Variants in ZFHX4 observed in about 807,000 individuals in gnomAD.
ZFHX4 encodes zinc finger homeobox protein 4.
In ZFHX4, 56 loss-of-function variants were observed where a neutral mutation model predicts 267.6. The ratio of observed to expected loss-of-function variants is 0.21; its 90% CI spans 0.17 to 0.26. The LOEUF (loss-of-function observed/expected upper bound fraction) is 0.26, where lower values mean the gene tolerates loss of function less well. Among genes scored for constraint, ZFHX4 ranks in the 10% least tolerant of loss-of-function variants. The probability of loss-of-function intolerance (pLI) is 1.00; values close to 1 mark genes in which losing one functional copy is unlikely to be tolerated. For missense variants in ZFHX4, 4,332 were observed against 4,420.0 expected, an observed-to-expected ratio of 0.98 and a Z score of 0.56; for synonymous variants, 1,778 against 1,665.6, an observed-to-expected ratio of 1.07 and a Z score of -1.64.
At position 76,709,802 on chromosome 8, in the gene ZFHX4, CGTGTGT is replaced by C. The variant is rs34448728; in HGVS notation, c.3093+1779_3093+1784del. Among the ~76,000 whole-genome samples, 262 of 140,172 alleles carry C rather than the reference CGTGTGT, an allele frequency of 1.9e-3. 1 individual carries two copies. The highest frequency in any genetic ancestry group is 3.6e-3 in the South Asian group (16 of 4,436). The allele number at this position is 140,172 out of a possible 152,430, so 92.0% of individuals were successfully genotyped here. A position where few individuals can be genotyped will look rare whatever the true frequency, so the allele number is the denominator to read the frequency against. ...GTGTGCGTGTGTGTGCGTGTGTGTG[CGTGTGT>C]GTGTGTGTGTGTGTGTGTGTGTGTA... On this transcript the variant is annotated intron_variant, in intron 3 of 10. Coordinates refer to ENST00000651372, the MANE Select transcript of ZFHX4 (RefSeq NM_024721.5).
In ZFHX4 at chr8:76,852,113, A is replaced by T; in HGVS notation, c.5192A>T (p.Gln1731Leu). ...CCTATGACCCCAGAAGCACTGCTGC[A>T]GTTTCAGCAGCCTCAGTTTCTCTTT... Reference protein sequence around the residue: ...HFPMTPEALLQFQQPQFLFPF... With the variant: ...HFPMTPEALLLFQQPQFLFPF... Residue 1731 changes from glutamine to leucine, a missense_variant, in exon 10 of 11, where the codon CAG becomes CTG. This residue lies in a region of ZFHX4 where 1,371 missense variants were observed against 1,423.1 expected (regional missense o/e 0.96). Coordinates refer to ENST00000651372, the MANE Select transcript of ZFHX4 (RefSeq NM_024721.5). 6.2e-7 allele frequency: 1 copy of T among 1,613,966 alleles called. No individual in the cohort carries two copies. The highest frequency in any genetic ancestry group is 8.5e-7 in the Non-Finnish European group (1 of 1,179,872).
chr8:76,751,723 A>G (rs1809618348), intron 3 of ZFHX4, among the ~76,000 whole-genome samples: 1 of 152,138 alleles, frequency 6.6e-6, no homozygotes, highest in South Asian at 2.1e-4. Context: ...TTGTAATATG[A>G]TCTCACTCTC....
At chr8:76,862,604 G>A (rs2131978952) in intron 10 of ZFHX4, among the ~76,000 whole-genome samples, 1 of 152,284 alleles carries the variant, frequency 6.6e-6, no homozygotes, top group East Asian at 1.9e-4. Context: ...TGGAACATAG[G>A]CAGATGGATT....
intron 3 of ZFHX4, among the ~76,000 whole-genome samples, chr8:76,713,007 G>T (rs1808466692): frequency 1.3e-5 from 2 of 152,126 alleles, no homozygotes; most frequent in South Asian, 4.1e-4. Flanking sequence ...AGAGGAGTTG[G>T]TTTGCTAATA....
chr8:76,704,490 G>A lies in ZFHX4; in HGVS notation c.402G>A (p.Gln134=), dbSNP rs779942238. The change falls in exon 2 of 11, where the codon CAG becomes CAA. Residue 134 remains glutamine (Q), a synonymous_variant. Coordinates refer to ENST00000651372, the MANE Select transcript of ZFHX4 (RefSeq NM_024721.5). ...ATCTAACAGGGGAGATCGTTTACCA[G>A]CCTGATGGGTCAGCATATATAATTG... ...VENLTGEIVY[Q]PDGSAYIIED... 5.0e-6 allele frequency: 8 copies of A among 1,613,866 alleles called. No individual in the cohort carries two copies. In the East Asian group the frequency reaches 1.8e-4, roughly 36 times the overall value.
intron 3 of ZFHX4, among the ~76,000 whole-genome samples, chr8:76,718,970 T>C (rs555164872): frequency 1.7e-4 from 22 of 128,780 alleles, no homozygotes; most frequent in African/African-American, 2.8e-4. Flanking sequence ...CACACACACA[T>C]GCTTTTCCAA....
At chr8:76,766,697 G>C (rs1810059271) in intron 3 of ZFHX4, among the ~76,000 whole-genome samples, 1 of 151,694 alleles carries the variant, frequency 6.6e-6, no homozygotes, top group Admixed American at 6.6e-5. Context: ...TAGAGTGGAG[G>C]CTAGCAGGTA....
At chr8:76,835,225 ATATATATATATATATG>A (rs1305448174) in intron 5 of ZFHX4, among the ~76,000 whole-genome samples, 2 of 96,928 alleles carry the variant, frequency 2.1e-5, no homozygotes, top group Non-Finnish European at 3.9e-5. Context: ...ATATGTATAT[ATATATATATATATATG>A]TATATATATA....
chr8:76,750,019 AT>A (rs1024290241), intron 3 of ZFHX4, among the ~76,000 whole-genome samples: 2 of 152,164 alleles, frequency 1.3e-5, no homozygotes, highest in African/African-American at 4.8e-5. Flanking sequence ...ATAATGTGAG[AT>A]TTTTAAAAAA....
chr8:76,752,286 G>A (rs1809633142), intron 3 of ZFHX4, among the ~76,000 whole-genome samples: 1 of 151,552 alleles, frequency 6.6e-6, no homozygotes, highest in Non-Finnish European at 1.5e-5. Flanking sequence ...ATTTAGTATG[G>A]CTCTAAAGTA....
intron 3 of ZFHX4, among the ~76,000 whole-genome samples, chr8:76,739,273 A>G (rs1038862676): frequency 1.5e-4 from 23 of 152,072 alleles, no homozygotes; most frequent in African/African-American, 5.6e-4. Context: ...AACTTTAAAA[A>G]CTGTTATTCT....
intron 8 of ZFHX4, 170 bp from the exon 9 acceptor site, chr8:76,850,075 C>T (rs1217685332): frequency 1.0e-5 from 6 of 602,184 alleles, no homozygotes; most frequent in Non-Finnish European, 1.8e-5. Flanking sequence ...ATTGCCACAG[C>T]ATTGATCTAA....
chr8:76,780,686 A>G (rs1810524224), intron 4 of ZFHX4, among the ~76,000 whole-genome samples: 1 of 152,152 alleles, frequency 6.6e-6, no homozygotes, highest in Admixed American at 6.6e-5. Context: ...AGAGATAAGG[A>G]TAGATATTAT....
intron 5 of ZFHX4, among the ~76,000 whole-genome samples, chr8:76,835,053 T>C (rs1041582743): frequency 6.6e-6 from 1 of 150,992 alleles, no homozygotes; most frequent in African/African-American, 2.4e-5. Context: ...AAACTTCACC[T>C]AAATTATAGG....
chr8:76,863,112 C>T lies in ZFHX4; in HGVS notation c.9398C>T (p.Ala3133Val), dbSNP rs1045277648. Residue 3133 changes from alanine (A) to valine (V), a missense_variant, in exon 11 of 11, where the codon GCA (alanine) becomes GTA (valine). Physicochemically the swap from Ala to Val is moderately conservative, Grantham distance 64 (BLOSUM62 0). Transcript: ENST00000651372. Reference sequence around the variant, plus strand: ...TTTTCAGCTTTAACACCTCCCGGTGCAGGCATGCTTGGGTTTCCTACTTCA... The same window carrying T: ...TTTTCAGCTTTAACACCTCCCGGTGTAGGCATGCTTGGGTTTCCTACTTCA... ...QNSNTLTPPG[A>V]GMLGFPTSAT... 2.0e-6 allele frequency: 3 copies of T among 1,525,216 alleles called. No individual in the cohort carries two copies. In the African/African-American group the frequency reaches 4.1e-5, roughly 21 times the overall value. The allele number at this position is 1,525,216 out of a possible 1,614,324, so 94.5% of individuals were successfully genotyped here.
intron 5 of ZFHX4, among the ~76,000 whole-genome samples, chr8:76,836,014 C>T (rs933480835): frequency 8.5e-5 from 13 of 152,116 alleles, no homozygotes; most frequent in Non-Finnish European, 1.9e-4. Context: ...CAATTGATGA[C>T]ATCACACCGT....
chr8:76,694,320 A>G (rs1472638496), intron 1 of ZFHX4, among the ~76,000 whole-genome samples: 3 of 152,204 alleles, frequency 2.0e-5, no homozygotes, highest in Admixed American at 6.5e-5. Flanking sequence ...CAATGATCTC[A>G]AAGTGGAATT....
Position 76,863,307 on chromosome 8 carries a change from A to G in ZFHX4, c.9593A>G (p.Lys3198Arg), listed in dbSNP as rs777270053. ...ESEKKQTKPN[K>R]VKKIKEEELE... Reference sequence around the variant, plus strand: ...GAGAAAAAGCAAACTAAGCCAAACAAGGTGAAAAAAATCAAAGAGGAGGAA... The same window carrying G: ...GAGAAAAAGCAAACTAAGCCAAACAGGGTGAAAAAAATCAAAGAGGAGGAA... The change falls in exon 11 of 11, where the codon AAG (lysine) becomes AGG (arginine). Residue 3198 changes from lysine (K) to arginine (R), a missense_variant. By Grantham distance (26) the Lys-to-Arg change is conservative (BLOSUM62 2). Coordinates refer to ENST00000651372, the MANE Select transcript of ZFHX4 (RefSeq NM_024721.5). 6.2e-7 allele frequency: 1 copy of G among 1,613,184 alleles called. No homozygotes were observed. Among genetic ancestry groups the G allele is most frequent in the African/African-American group, 1.3e-5 (1 of 74,830 alleles).
intron 3 of ZFHX4, among the ~76,000 whole-genome samples, chr8:76,758,707 CT>C (rs1563505189): frequency 2.6e-5 from 4 of 152,080 alleles, no homozygotes; most frequent in African/African-American, 9.7e-5. Context: ...GTTGCCTAGG[CT>C]GGTCTCGAAT....
Sources: allele counts gnomAD v4.1 joint callset (sites outside exome capture counted in the v4.1 genomes callset), GRCh38; gene constraint gnomAD v4.1.1; regional missense constraint gnomAD v4.1.1; transcripts MANE v1.5; gene names NCBI Gene and HGNC (gene_info 2026-07-23, HGNC 2026-07-21).